Variants in DHDH observed in about 807,000 individuals in gnomAD.
DHDH encodes dihydrodiol dehydrogenase.
In DHDH, 29 loss-of-function variants were observed where a neutral mutation model predicts 33.2. That is an observed-to-expected ratio of 0.87 (90% CI 0.65 to 1.19). The LOEUF (loss-of-function observed/expected upper bound fraction) is 1.19, where lower values mean the gene tolerates loss of function less well. Ranked by LOEUF, DHDH falls within the 50% of genes most tolerant of loss-of-function variation. The probability of loss-of-function intolerance (pLI) is 0.00; values close to 1 mark genes in which losing one functional copy is unlikely to be tolerated. For synonymous variants in DHDH, 201 were observed against 187.9 expected (o/e 1.07, Z -0.57); for missense variants, 431 against 455.0 (o/e 0.95, Z 0.48).
chr19:48,933,714 T>G lies in DHDH; in HGVS notation c.-8T>G. On this transcript the variant is annotated 5_prime_UTR_variant, in exon 1 of 7. Transcript: ENST00000221403. The stretch of plus-strand genomic sequence containing the variant: ...GACCGAAGGTGCCGAGGGCTCCGCA[T>G]CGCAACCATGGCGCTGCGCTGGGGC... The G allele has an allele frequency of 6.2e-7, 1 of 1,613,230 alleles. No homozygotes were observed. Among genetic ancestry groups the G allele is most frequent in the Non-Finnish European group, 8.5e-7 (1 of 1,179,908 alleles).
intron 4 of DHDH, among the ~76,000 whole-genome samples, chr19:48,940,172 T>C (rs2037838882): frequency 6.6e-6 from 1 of 151,688 alleles, no homozygotes; most frequent in African/African-American, 2.4e-5. Context: ...CTGGCCAATA[T>C]GATGAAACCC....
At chr19:48,939,416 T>C in intron 3 of DHDH, 33 bp from the exon 4 acceptor site, 2 of 1,595,688 alleles carry the variant, frequency 1.3e-6, no homozygotes, top group African/African-American at 1.3e-5. Context: ...GGATTAGAAC[T>C]GGTTGGTTAA....
chr19:48,944,570 C>G, intron 6 of DHDH, 63 bp downstream of exon 6: 1 of 1,540,944 alleles, frequency 6.5e-7, no homozygotes, highest in Non-Finnish European at 8.8e-7. Flanking sequence ...CCCTCCCCAC[C>G]TGCTCTGTCA....
chr19:48,938,270 T>C (rs2037808380), intron 3 of DHDH, among the ~76,000 whole-genome samples: 1 of 151,962 alleles, frequency 6.6e-6, no homozygotes, highest in African/African-American at 2.4e-5. Context: ...CTAATTTTTG[T>C]ATTTGTAGTA....
At chr19:48,936,620 C>T (rs2037779885) in intron 3 of DHDH, among the ~76,000 whole-genome samples, 2 of 148,424 alleles carry the variant, frequency 1.3e-5, no homozygotes, top group African/African-American at 4.9e-5. Flanking sequence ...GGCGTGAACC[C>T]GGGAGGCGGA....
rs1408829337 is a variant in DHDH, at chr19:48,937,592, CACG to C, written c.366+1401_366+1403del. On this transcript the variant is annotated intron_variant, in intron 3 of 6. Transcript: ENST00000221403. ...CTTCGAGAGGCAGAGGCGGGCGGAT[CACG>C]ACGTCAGGAGATCGAGACCATCCTG... is the stretch of plus-strand genomic sequence containing the variant. Among the ~76,000 whole-genome samples, 15 of 151,844 alleles carry C rather than the reference CACG, an allele frequency of 9.9e-5. 1 individual carries two copies. In the South Asian group the frequency reaches 3.1e-3, roughly 32 times the overall value.
chr19:48,939,285 A>C (rs2037822722), intron 3 of DHDH, among the ~76,000 whole-genome samples, 164 bp from the exon 4 acceptor site: 1 of 152,014 alleles, frequency 6.6e-6, no homozygotes. Flanking sequence ...ATTCAAAAAA[A>C]AAAGAAAAAG....
At chr19:48,933,599 C>A, upstream of DHDH, 1 of 865,036 alleles carries the variant, frequency 1.2e-6, no homozygotes, top group South Asian at 1.4e-5. Context: ...CTGGAGCCAA[C>A]GAGAATCGGC....
At chr19:48,943,065 A>T (rs182579277) in intron 5 of DHDH, among the ~76,000 whole-genome samples, 4,841 of 147,254 alleles carry the variant, frequency 0.033, 100 homozygotes, top group Admixed American at 0.049. Context: ...CAAAAAAAAA[A>T]ATATATATAT....
chr19:48,939,321 A>G, intron 3 of DHDH, 128 bp from the exon 4 acceptor site: 1 of 1,097,430 alleles, frequency 9.1e-7, no homozygotes, highest in Middle Eastern at 3.2e-4. Context: ...GGTCAGGAGC[A>G]AGAGGGATAC....
At chr19:48,933,629 A>C (rs2037732032), upstream of DHDH, 1 of 1,198,476 alleles carries the variant, frequency 8.3e-7, no homozygotes, top group East Asian at 2.3e-5. Context: ...ATACGGGCGG[A>C]GGATGGGGAC....
rs1291919592 is a variant in DHDH at position 48,937,097 on chromosome 19, C to A, written c.366+902C>A. Among the ~76,000 whole-genome samples the A allele has an allele frequency of 2.0e-5, 3 of 152,046 alleles. No homozygotes were observed. The East Asian group carries it at 5.9e-4, about 30-fold the overall frequency. On this transcript the variant is annotated intron_variant, in intron 3 of 6. Coordinates refer to ENST00000221403, the MANE Select transcript of DHDH (RefSeq NM_014475.4). ...CCGCGCCCGGCCCCTACCTCAAGGT[C>A]TTTCATGTAATCCTATCCGCCAGGA...
At chr19:48,937,715 G>A (rs2037799300) in intron 3 of DHDH, among the ~76,000 whole-genome samples, 1 of 151,712 alleles carries the variant, frequency 6.6e-6, no homozygotes, top group Admixed American at 6.6e-5. Context: ...GGGAGGCTGA[G>A]GCAGGAGAAT....
At chr19:48,935,903 CCT>C in intron 2 of DHDH, 127 bp from the exon 3 acceptor site, 2 of 1,148,440 alleles carry the variant, frequency 1.7e-6, no homozygotes, top group Non-Finnish European at 2.5e-6. Flanking sequence ...AGGACAGCTC[CCT>C]AAGGGAGACA....
At position 48,939,803 on chromosome 19, in the gene DHDH, G is replaced by A. The variant is rs34648792; in HGVS notation, c.619+102G>A. 6,673 of 1,462,140 alleles carry A rather than the reference G, an allele frequency of 4.6e-3. 22 individuals are homozygous for A. Among genetic ancestry groups the A allele is most frequent in the Non-Finnish European group, 5.5e-3 (6,089 of 1,099,374 alleles). 90.6% of individuals were successfully genotyped at this position (1,462,140 alleles called of 1,614,324 possible). On this transcript the variant is annotated intron_variant, in intron 4 of 6. Transcript: ENST00000221403. ...CTCCAAGTCAATGAGAATTAGATCA[G>A]ACACCTAGAGGAACAACTTTCCATG...
At chr19:48,942,703 G>C in intron 5 of DHDH, 139 bp downstream of exon 5, 1 of 1,392,996 alleles carries the variant, frequency 7.2e-7, no homozygotes, top group Non-Finnish European at 9.4e-7. Context: ...CAAGCCAAGA[G>C]GTGGGTTCTG....
chr19:48,941,213 C>T (rs959615152), intron 4 of DHDH, among the ~76,000 whole-genome samples: 22 of 152,060 alleles, frequency 1.4e-4, no homozygotes, highest in African/African-American at 5.3e-4. Flanking sequence ...AGCCTTGATT[C>T]TCCTCCACCT....
At position 48,935,900 on chromosome 19, in the gene DHDH, C is replaced by A. The variant is rs2037766108; in HGVS notation, c.203-132C>A. 5 of 1,032,470 alleles carry A rather than the reference C, an allele frequency of 4.8e-6. No homozygotes were observed. In the East Asian group the frequency reaches 1.4e-4, roughly 30 times the overall value. 64.0% of individuals were successfully genotyped at this position (1,032,470 alleles called of 1,614,324 possible). ...GGTAACAGCCCCTTCCTAAGGACAGCTCCCTAAGGGAGACAGGGGTGTGAC... is the reference window on the plus strand; with the variant it reads ...GGTAACAGCCCCTTCCTAAGGACAGATCCCTAAGGGAGACAGGGGTGTGAC... On this transcript the variant is annotated intron_variant, in intron 2 of 6. Coordinates refer to ENST00000221403, the MANE Select transcript of DHDH (RefSeq NM_014475.4).
intron 5 of DHDH, among the ~76,000 whole-genome samples, chr19:48,943,332 T>G (rs1398044728): frequency 6.6e-6 from 1 of 151,734 alleles, no homozygotes; most frequent in Admixed American, 6.6e-5. Flanking sequence ...CGGGGGAGGA[T>G]CTGGGTGTTA....
Sources: allele counts gnomAD v4.1 joint callset (sites outside exome capture counted in the v4.1 genomes callset), GRCh38; gene constraint gnomAD v4.1.1; transcripts MANE v1.5; gene names NCBI Gene and HGNC (gene_info 2026-07-23, HGNC 2026-07-21).